ERGIC2: variants seen among roughly 807,000 people sequenced by gnomAD.
The protein encoded by ERGIC2 is endoplasmic reticulum-Golgi intermediate compartment protein 2.
A neutral mutation model predicts 52.5 loss-of-function variants in ERGIC2; 31 were observed. The observed-to-expected ratio is 0.59, with a 90% CI of 0.44 to 0.80. The LOEUF (loss-of-function observed/expected upper bound fraction) is 0.80, where lower values mean the gene tolerates loss of function less well. Among genes scored for constraint, ERGIC2 ranks in the 30% least tolerant of loss-of-function variants. The probability of loss-of-function intolerance (pLI) is 0.00; values close to 1 mark genes in which losing one functional copy is unlikely to be tolerated. For missense variants in ERGIC2, 395 were observed against 455.2 expected (o/e 0.87, Z 1.20); for synonymous variants, 129 against 140.6 (o/e 0.92, Z 0.58).
At chr12:29,369,507 A>C (rs1940409805) in intron 3 of ERGIC2, among the ~76,000 whole-genome samples, 1 of 152,044 alleles carries the variant, frequency 6.6e-6, no homozygotes, top group African/African-American at 2.4e-5. Context: ...GTGCAGATTT[A>C]GTAAATTCCC....
chr12:29,347,729 A>AT lies in ERGIC2; in HGVS notation c.727+1349dup, dbSNP rs553364905. 2.1e-4 allele frequency among the ~76,000 whole-genome samples: 32 copies of AT among 152,246 alleles called. No homozygotes were observed. The South Asian group carries it at 5.0e-3, about 24-fold the overall frequency. On this transcript the variant is annotated intron_variant, in intron 10 of 13. Coordinates refer to ENST00000360150, the MANE Select transcript of ERGIC2 (RefSeq NM_016570.3). ...CTGACATAGCAGATATGTAATGTTG[A>AT]TTTTTTTCTTTTTGGAAAAAGAGGC... is the stretch of plus-strand genomic sequence containing the variant.
intron 6 of ERGIC2, among the ~76,000 whole-genome samples, chr12:29,361,162 G>A (rs1193284396): frequency 6.6e-6 from 1 of 152,082 alleles, no homozygotes; most frequent in Non-Finnish European, 1.5e-5. Flanking sequence ...TGAGGCAGGA[G>A]AATCGCTTCA....
Position 29,359,664 on chromosome 12 carries a change from C to T in ERGIC2, c.375-1940G>A, listed in dbSNP as rs111301066. 5.3e-5 allele frequency among the ~76,000 whole-genome samples: 8 copies of T among 151,848 alleles called. 1 individual carries two copies. Among genetic ancestry groups the T allele is most frequent in the African/African-American group, 1.9e-4 (8 of 41,452 alleles). On this transcript the variant is annotated intron_variant, in intron 6 of 13. Coordinates refer to ENST00000360150, the MANE Select transcript of ERGIC2 (RefSeq NM_016570.3). ...CTTTCTACTAAAAATTCTAAGAGCC[C>T]AGAGACAGCTAATATTCAGTGCTTT... is the stretch of plus-strand genomic sequence containing the variant.
In ERGIC2 at chr12:29,371,595, T is replaced by C. The variant is rs2136879123; in HGVS notation, c.39A>G (p.Val13=). ...RLNRKKTLSL[V]KELDAFPKVP... is the part of the protein sequence containing the mutation. ...CCTTCGGAAAGGCATCCAACTCTTT[T>C]ACCAAACTTAAAGTTTTTTTCCGAT... The change falls in exon 2 of 14, where the codon GTA becomes GTG. Residue 13 remains valine, a synonymous_variant. Coordinates refer to ENST00000360150, the MANE Select transcript of ERGIC2 (RefSeq NM_016570.3). 1 of 1,613,688 alleles carries C rather than the reference T, an allele frequency of 6.2e-7. No individual in the cohort carries two copies. Among genetic ancestry groups the C allele is most frequent in the Non-Finnish European group, 8.5e-7 (1 of 1,179,760 alleles).
At chr12:29,380,801 G>C (rs1024683397) in intron 1 of ERGIC2, 1 of 152,364 alleles carries the variant, frequency 6.6e-6, no homozygotes, top group Non-Finnish European at 1.5e-5. Flanking sequence ...CCTGGGAACC[G>C]GGCACTGTGA....
intron 11 of ERGIC2, 81 bp downstream of exon 11, chr12:29,345,362 A>C (rs1940033082): frequency 2.6e-6 from 2 of 760,358 alleles, no homozygotes; most frequent in Non-Finnish European, 4.5e-6. Flanking sequence ...GTAAAACACC[A>C]CCTTATTTTG....
At chr12:29,380,468 C>G (rs1392660175) in intron 1 of ERGIC2, 1 of 152,094 alleles carries the variant, frequency 6.6e-6, no homozygotes, top group Non-Finnish European at 1.5e-5. Context: ...CAAACAATGA[C>G]CTGTCAACTC....
intron 1 of ERGIC2, among the ~76,000 whole-genome samples, chr12:29,372,683 C>A (rs550972275): frequency 2.9e-3 from 425 of 147,136 alleles, no homozygotes; most frequent in African/African-American, 0.011. Flanking sequence ...GAGACAGGAT[C>A]TTGCTCTGTC....
At chr12:29,357,975 G>C (rs1401757681) in intron 6 of ERGIC2, among the ~76,000 whole-genome samples, 2 of 152,144 alleles carry the variant, frequency 1.3e-5, no homozygotes, top group African/African-American at 4.8e-5. Flanking sequence ...TGTGCCATCA[G>C]GACCACCAAA....
chr12:29,364,525 T>C (rs970749575), intron 5 of ERGIC2, among the ~76,000 whole-genome samples: 11 of 152,062 alleles, frequency 7.2e-5, no homozygotes, highest in African/African-American at 2.7e-4. Flanking sequence ...AAAACACCAT[T>C]GTGGGCATCA....
chr12:29,337,403 A>G lies in ERGIC2; in HGVS notation c.*3753T>C, dbSNP rs1432757216. ...CAAATGTTTATGCTTGCAATACTAA[A>G]TATTTTGTTTTTTCTCTCAAGACAA... On this transcript the variant is annotated 3_prime_UTR_variant, in exon 14 of 14. Transcript: ENST00000360150. 1 of 128,270 alleles carries G rather than the reference A, an allele frequency of 7.8e-6. No homozygotes were observed. The highest frequency in any genetic ancestry group is 1.6e-5 in the Non-Finnish European group (1 of 63,992). The allele number at this position is 128,270 out of a possible 1,614,324, so 7.9% of individuals were successfully genotyped here.
intron 1 of ERGIC2, among the ~76,000 whole-genome samples, chr12:29,374,473 T>C (rs181832728): frequency 6.6e-6 from 1 of 152,330 alleles, no homozygotes; most frequent in African/African-American, 2.4e-5. Context: ...ATCTGCATGT[T>C]GATTTATCCC....
intron 2 of ERGIC2, among the ~76,000 whole-genome samples, chr12:29,370,702 A>G (rs1390318147): frequency 6.6e-6 from 1 of 152,024 alleles, no homozygotes; most frequent in African/African-American, 2.4e-5. Context: ...ACAAAAAGGT[A>G]GCCTAATTTC....
chr12:29,374,673 GAAACA>G (rs1422685729), intron 1 of ERGIC2, among the ~76,000 whole-genome samples: 2 of 152,126 alleles, frequency 1.3e-5, no homozygotes, highest in African/African-American at 4.8e-5. Context: ...ACACAAGCCA[GAAACA>G]TGGGTTATAT....
intron 9 of ERGIC2, among the ~76,000 whole-genome samples, chr12:29,349,768 A>G (rs1940106499): frequency 6.6e-6 from 1 of 152,056 alleles, no homozygotes; most frequent in East Asian, 1.9e-4. Flanking sequence ...CTTTATCCCT[A>G]AAAATTAGCA....
At chr12:29,355,997 G>C (rs1446931889) in intron 8 of ERGIC2, among the ~76,000 whole-genome samples, 7 of 151,914 alleles carry the variant, frequency 4.6e-5, no homozygotes, top group Non-Finnish European at 8.8e-5. Context: ...TTAGTAGTTA[G>C]CTGTATTTAT....
At chr12:29,359,570 T>A (rs1462782803) in intron 6 of ERGIC2, among the ~76,000 whole-genome samples, 1 of 151,954 alleles carries the variant, frequency 6.6e-6, no homozygotes, top group Non-Finnish European at 1.5e-5. Flanking sequence ...TTGAAAAAAA[T>A]TCTAAATGAA....
Position 29,345,434 on chromosome 12 carries a change from T to G in ERGIC2, c.825+9A>C, listed in dbSNP as rs750289925. 4 of 1,460,024 alleles carry G rather than the reference T, an allele frequency of 2.7e-6. No individual in the cohort carries two copies. The Admixed American group carries it at 7.2e-5, about 26-fold the overall frequency. 90.4% of individuals were successfully genotyped at this position (1,460,024 alleles called of 1,614,324 possible). A position where few individuals can be genotyped will look rare whatever the true frequency, so the allele number is the denominator to read the frequency against. ...CACCAAATTATTTTACCGGTTGGATTCAACTTACCCTTTCTGTCACAGAAA... is the reference window on the plus strand; with the variant it reads ...CACCAAATTATTTTACCGGTTGGATGCAACTTACCCTTTCTGTCACAGAAA... On this transcript the variant is annotated intron_variant, in intron 11 of 13. Transcript: ENST00000360150.
chr12:29,354,766 A>G (rs1173645637), intron 8 of ERGIC2, among the ~76,000 whole-genome samples: 1 of 152,154 alleles, frequency 6.6e-6, no homozygotes, highest in Admixed American at 6.5e-5. Flanking sequence ...TTAAAAAGGG[A>G]CATAATATAG....
Sources: gnomAD v4.1 joint callset for allele counts (sites outside exome capture counted in the v4.1 genomes callset) on GRCh38, gnomAD v4.1.1 for gene constraint, MANE v1.5 for transcripts, NCBI Gene and HGNC (gene_info 2026-07-23, HGNC 2026-07-21) for gene names.